Variants in PIP4K2B observed in about 807,000 individuals in gnomAD.
PIP4K2B encodes the protein phosphatidylinositol-5-phosphate 4-kinase type 2 beta, also known as phosphatidylinositol 5-phosphate 4-kinase type-2 beta.
A neutral mutation model predicts 42.0 loss-of-function variants in PIP4K2B; 3 were observed. The observed-to-expected ratio is 0.07, with a 90% CI of 0.03 to 0.18. The LOEUF (loss-of-function observed/expected upper bound fraction) is 0.18, where lower values mean the gene tolerates loss of function less well. Ranked by LOEUF, PIP4K2B falls within the 10% of genes least tolerant of loss-of-function variation. PIP4K2B has a pLI of 1.00. For missense variants in PIP4K2B, 332 were observed against 562.3 expected (o/e 0.59, Z 4.14); for synonymous variants, 204 against 210.1 (o/e 0.97, Z 0.25).
Position 38,767,198 on chromosome 17 carries a change from T to G in PIP4K2B, c.*2493A>C, listed in dbSNP as rs887765673. On this transcript the variant is annotated 3_prime_UTR_variant, in exon 10 of 10. Coordinates refer to ENST00000619039, the MANE Select transcript of PIP4K2B (RefSeq NM_003559.5). ...ATGGCGGGACCCAAGGAGGAAAGAG[T>G]GGGGGCAGACAACGCTTGGGGGATC... The G allele has an allele frequency of 1.3e-5, 2 of 151,134 alleles. No homozygotes were observed. The highest frequency in any genetic ancestry group is 3.0e-5 in the Non-Finnish European group (2 of 67,774). The allele number at this position is 151,134 out of a possible 1,614,324, so 9.4% of individuals were successfully genotyped here.
rs1369729505 is a variant in PIP4K2B, at chr17:38,767,462, C to T, written c.*2229G>A. 6.6e-6 allele frequency: 1 copy of T among 152,154 alleles called. No homozygotes were observed. Among genetic ancestry groups the T allele is most frequent in the Non-Finnish European group, 1.5e-5 (1 of 67,952 alleles). 9.4% of individuals were successfully genotyped at this position (152,154 alleles called of 1,614,324 possible). A position where few individuals can be genotyped will look rare whatever the true frequency, so the allele number is the denominator to read the frequency against. Reference sequence around the variant, plus strand: ...CCAGTCAACAATACTGTCAGAAAAACAAAAAGCATTTGAAACAGAATGCTA... The same window carrying T: ...CCAGTCAACAATACTGTCAGAAAAATAAAAAGCATTTGAAACAGAATGCTA... On this transcript the variant is annotated 3_prime_UTR_variant, in exon 10 of 10. Transcript: ENST00000619039.
chr17:38,786,757 C>T, intron 2 of PIP4K2B, 66 bp downstream of exon 2: 2 of 1,028,084 alleles, frequency 1.9e-6, no homozygotes, highest in South Asian at 2.5e-5. Flanking sequence ...CATGAGGCTT[C>T]AGAAGCCTCT....
In PIP4K2B at chr17:38,799,044, AG is replaced by A. The variant is rs1910806653; in HGVS notation, c.159+221del. 3.3e-5 allele frequency among the ~76,000 whole-genome samples: 5 copies of A among 152,056 alleles called. No homozygotes were observed. In the South Asian group the frequency reaches 1.0e-3, roughly 32 times the overall value. Reference sequence around the variant, plus strand: ...CAGGAAGCCAGAAGGGCTGGAGGGAAGGGGAGGTGGCGACGGCAGACCACAG... The same window carrying A: ...CAGGAAGCCAGAAGGGCTGGAGGGAAGGGAGGTGGCGACGGCAGACCACAG... On this transcript the variant is annotated intron_variant, in intron 1 of 9. Transcript: ENST00000619039. This position sits in a 1 kb window ranked among gnomAD's most constrained non-coding sequence, Gnocchi z 4.4.
chr17:38,785,475 G>A (rs1456388255), intron 2 of PIP4K2B, among the ~76,000 whole-genome samples: 1 of 152,220 alleles, frequency 6.6e-6, no homozygotes, highest in African/African-American at 2.4e-5. Context: ...TCAGGAGTTC[G>A]AGACCAGCCT....
intron 2 of PIP4K2B, among the ~76,000 whole-genome samples, chr17:38,785,385 T>C (rs903035050): frequency 6.6e-6 from 1 of 152,186 alleles, no homozygotes; most frequent in Non-Finnish European, 1.5e-5. Flanking sequence ...AAATAGCACA[T>C]ACAGGGCTGG....
intron 1 of PIP4K2B, among the ~76,000 whole-genome samples, chr17:38,794,068 A>G (rs1910488395): frequency 6.6e-6 from 1 of 152,212 alleles, no homozygotes; most frequent in Non-Finnish European, 1.5e-5. Context: ...ACTATTCACA[A>G]GAGCTAAGGT....
In PIP4K2B at chr17:38,799,254, G is replaced by C; in HGVS notation, c.159+12C>G. 2 of 1,582,698 alleles carry C rather than the reference G, an allele frequency of 1.3e-6. No individual in the cohort carries two copies. Among genetic ancestry groups the C allele is most frequent in the South Asian group, 2.3e-5 (2 of 88,598 alleles). ...GGGGCCGCGCTCAGAGGGGCGCGCAGGAGCTGGTTACCGTGTGGTTCACCC... is the reference window on the plus strand; with the variant it reads ...GGGGCCGCGCTCAGAGGGGCGCGCACGAGCTGGTTACCGTGTGGTTCACCC... On this transcript the variant is annotated intron_variant, in intron 1 of 9. Transcript: ENST00000619039. The surrounding 1 kb of genome is among the most constrained non-coding windows in gnomAD (Gnocchi z 4.4).
intron 4 of PIP4K2B, among the ~76,000 whole-genome samples, chr17:38,780,107 CT>C (rs1028991859): frequency 3.5e-5 from 5 of 144,896 alleles, no homozygotes; most frequent in Non-Finnish European, 7.7e-5. Context: ...GGCTCCCTGC[CT>C]TCCTCATGGA....
At chr17:38,796,793 A>G (rs1201833719) in intron 1 of PIP4K2B, among the ~76,000 whole-genome samples, 1 of 152,230 alleles carries the variant, frequency 6.6e-6, no homozygotes, top group African/African-American at 2.4e-5. Flanking sequence ...AAATGCCTAA[A>G]CAGGTGAGAA....
chr17:38,788,170 T>C (rs997686912), intron 1 of PIP4K2B, among the ~76,000 whole-genome samples: 18 of 144,938 alleles, frequency 1.2e-4, no homozygotes, highest in African/African-American at 4.6e-4. Flanking sequence ...CCCAAGGTAA[T>C]AGATTAAATT....
chr17:38,783,702 G>A (rs1248806057), intron 3 of PIP4K2B, among the ~76,000 whole-genome samples: 4 of 152,024 alleles, frequency 2.6e-5, no homozygotes, highest in African/African-American at 9.7e-5. Context: ...CCAGGTTCAA[G>A]CGATTCTCCT....
At chr17:38,792,611 G>A (rs1910400186) in intron 1 of PIP4K2B, 1 of 152,232 alleles carries the variant, frequency 6.6e-6, no homozygotes, top group African/African-American at 2.4e-5. Flanking sequence ...AGGCATGCAG[G>A]TTTCCTGACA....
At chr17:38,784,125 G>C (rs987003355) in intron 3 of PIP4K2B, 118 bp downstream of exon 3, 15 of 654,464 alleles carry the variant, frequency 2.3e-5, no homozygotes, top group African/African-American at 9.1e-5. Flanking sequence ...CTGGAGCAAG[G>C]CATGACAGGG....
At chr17:38,790,786 A>G (rs1403629649) in intron 1 of PIP4K2B, among the ~76,000 whole-genome samples, 3 of 152,154 alleles carry the variant, frequency 2.0e-5, no homozygotes, top group African/African-American at 2.4e-5. Context: ...CTCAGCTAAC[A>G]TTGGTGAACA....
intron 7 of PIP4K2B, among the ~76,000 whole-genome samples, chr17:38,776,288 G>A (rs1909338557): frequency 1.3e-5 from 2 of 152,128 alleles, no homozygotes; most frequent in Non-Finnish European, 2.9e-5. Flanking sequence ...CCTCTTATGT[G>A]AAGTTCCTAG....
chr17:38,782,549 A>C (rs1909771357), intron 3 of PIP4K2B, among the ~76,000 whole-genome samples: 1 of 152,236 alleles, frequency 6.6e-6, no homozygotes, highest in African/African-American at 2.4e-5. Flanking sequence ...GATTGAGTTC[A>C]GGGTTCAATC....
chr17:38,766,008 C>T lies in PIP4K2B; in HGVS notation c.*3683G>A, dbSNP rs929971740. 5 of 152,676 alleles carry T rather than the reference C, an allele frequency of 3.3e-5. No homozygotes were observed. The highest frequency in any genetic ancestry group is 6.5e-5 in the Admixed American group (1 of 15,278). 9.5% of individuals were successfully genotyped at this position (152,676 alleles called of 1,614,324 possible). ...CCCCTCCCCCAAGGGTGTTGGCTCC[C>T]ACCGCCTCTCACAGTGGCTCTGCGC... On this transcript the variant is annotated 3_prime_UTR_variant, in exon 10 of 10. Coordinates refer to ENST00000619039, the MANE Select transcript of PIP4K2B (RefSeq NM_003559.5).
chr17:38,775,297 G>C (rs547676075), intron 7 of PIP4K2B, among the ~76,000 whole-genome samples: 1 of 152,160 alleles, frequency 6.6e-6, no homozygotes, highest in South Asian at 2.1e-4. Flanking sequence ...CTCTAGTTCA[G>C]GCTGATGCAC....
chr17:38,799,512 C>A lies in PIP4K2B; in HGVS notation c.-88G>T. 1 of 1,361,924 alleles carries A rather than the reference C, an allele frequency of 7.3e-7. No homozygotes were observed. The highest frequency in any genetic ancestry group is 9.4e-7 in the Non-Finnish European group (1 of 1,063,312). The allele number at this position is 1,361,924 out of a possible 1,614,324, so 84.4% of individuals were successfully genotyped here. On this transcript the variant is annotated 5_prime_UTR_variant, in exon 1 of 10. Coordinates refer to ENST00000619039, the MANE Select transcript of PIP4K2B (RefSeq NM_003559.5). The surrounding 1 kb of genome is among the most constrained non-coding windows in gnomAD (Gnocchi z 4.4). ...GCCTCAGGCCTCCCCCGGACCGATC[C>A]CCACCCCCGCTCCCTCACCGCGCCA...
Sources: gnomAD v4.1 joint callset for allele counts (sites outside exome capture counted in the v4.1 genomes callset) on GRCh38, gnomAD v4.1.1 for gene constraint, Gnocchi (gnomAD v3.1) non-coding constraint, MANE v1.5 for transcripts, NCBI Gene and HGNC (gene_info 2026-07-23, HGNC 2026-07-21) for gene names.